SLC9C1: variants seen among roughly 807,000 people sequenced by gnomAD.
SLC9C1 encodes sodium/hydrogen exchanger 10.
Under a neutral mutation model 140.9 loss-of-function variants are expected in SLC9C1, and 97 were observed. The ratio of observed to expected loss-of-function variants is 0.69; its 90% CI spans 0.58 to 0.82. The LOEUF is 0.82. Ranked by LOEUF, SLC9C1 falls within the 40% of genes least tolerant of loss-of-function variation. The pLI is 0.00. For missense variants in SLC9C1, 1,340 were observed against 1,389.3 expected (o/e 0.96, Z 0.56); for synonymous variants, 440 against 442.6 (o/e 0.99, Z 0.07).
At chr3:112,181,276 A>G (rs1275155695) in intron 21 of SLC9C1, among the ~76,000 whole-genome samples, 1 of 152,218 alleles carries the variant, frequency 6.6e-6, no homozygotes, top group African/African-American at 2.4e-5. Flanking sequence ...GGGGATAAAA[A>G]TCTTTCATCT....
intron 15 of SLC9C1, among the ~76,000 whole-genome samples, chr3:112,214,059 C>A (rs916091988): frequency 6.6e-6 from 1 of 152,218 alleles, no homozygotes; most frequent in Non-Finnish European, 1.5e-5. Flanking sequence ...GAAACTCACT[C>A]AAAATCGCTC....
intron 7 of SLC9C1, among the ~76,000 whole-genome samples, chr3:112,268,697 A>AT (rs1213129447): frequency 1.3e-5 from 2 of 152,154 alleles, no homozygotes; most frequent in Admixed American, 6.5e-5. Context: ...TAATCTAACC[A>AT]TTTTTTCTTT....
chr3:112,202,293 A>G lies in SLC9C1; in HGVS notation c.2279T>C (p.Met760Thr), dbSNP rs1355260158. The G allele has an allele frequency of 1.2e-6, 2 of 1,611,640 alleles. No homozygotes were observed. The highest frequency in any genetic ancestry group is 1.7e-6 in the Non-Finnish European group (2 of 1,178,936). The change falls in exon 18 of 29, where the codon ATG (methionine) becomes ACG (threonine). Residue 760 changes from methionine to threonine, a missense_variant. By Grantham distance (81) the Met-to-Thr change is moderately conservative. Transcript: ENST00000305815. ...ACTTGTAATCTGATCAATTATGGTC[A>G]TTATGTCTGCTTCGCCTTGGACATA... The part of the protein sequence containing the change: ...KGYVQGEADI[M>T]TIIDQITSSK...
chr3:112,231,001 T>G (rs1413051477), intron 13 of SLC9C1, among the ~76,000 whole-genome samples: 1 of 152,188 alleles, frequency 6.6e-6, no homozygotes, highest in African/African-American at 2.4e-5. Flanking sequence ...ATCTGAAGTT[T>G]AACCCCAGTT....
intron 2 of SLC9C1, among the ~76,000 whole-genome samples, chr3:112,282,303 G>A (rs1267646025): frequency 6.6e-6 from 1 of 152,216 alleles, no homozygotes; most frequent in East Asian, 1.9e-4. Flanking sequence ...AAATAGTTTA[G>A]TCAAACTACA....
chr3:112,165,993 T>C (rs1039856884), intron 26 of SLC9C1, among the ~76,000 whole-genome samples: 7 of 152,184 alleles, frequency 4.6e-5, no homozygotes, highest in Non-Finnish European at 1.0e-4. Context: ...CCCAGCCTTG[T>C]TGCTGCCTTG....
rs748006067 is a variant in SLC9C1, at chr3:112,231,460, A to G, written c.1473T>C (p.His491=). 1 of 1,612,288 alleles carries G rather than the reference A, an allele frequency of 6.2e-7. No homozygotes were observed. The highest frequency in any genetic ancestry group is 1.1e-5 in the South Asian group (1 of 90,842). Reference sequence around the variant, plus strand: ...TACAGTGTGGACATTTCACCTTCTGATGTTCTGTTGTTTCTTCTTCGTTCA... The same window carrying G: ...TACAGTGTGGACATTTCACCTTCTGGTGTTCTGTTGTTTCTTCTTCGTTCA... ...YMLNEEETTE[H]QKVKCPHCNK... is the part of the protein sequence containing the mutation. The change falls in exon 13 of 29, where the codon CAT becomes CAC. Residue 491 remains histidine (H), a synonymous_variant. Coordinates refer to ENST00000305815, the MANE Select transcript of SLC9C1 (RefSeq NM_183061.3).
At chr3:112,249,209 C>T (rs779329296) in intron 10 of SLC9C1, among the ~76,000 whole-genome samples, 2 of 151,784 alleles carry the variant, frequency 1.3e-5, no homozygotes, top group African/African-American at 4.8e-5. Context: ...GAAGTAATCA[C>T]ATGATTCCAG....
chr3:112,143,342 G>A (rs1375241180), intron 28 of SLC9C1, among the ~76,000 whole-genome samples: 1 of 152,132 alleles, frequency 6.6e-6, no homozygotes, highest in African/African-American at 2.4e-5. Context: ...GGCTGAACTA[G>A]TTTACATTCC....
At chr3:112,241,740 C>G (rs1174676587) in intron 11 of SLC9C1, among the ~76,000 whole-genome samples, 1 of 152,018 alleles carries the variant, frequency 6.6e-6, no homozygotes, top group African/African-American at 2.4e-5. Flanking sequence ...GGTATTGGTA[C>G]AAAAACAGAT....
intron 22 of SLC9C1, among the ~76,000 whole-genome samples, 156 bp downstream of exon 22, chr3:112,180,408 A>T (rs184825143): frequency 3.3e-4 from 51 of 152,256 alleles, no homozygotes; most frequent in African/African-American, 1.2e-3. Flanking sequence ...CTGCAATTCC[A>T]GCTACTTGGG....
intron 13 of SLC9C1, among the ~76,000 whole-genome samples, chr3:112,225,254 A>T (rs1046496990): frequency 2.0e-5 from 3 of 152,198 alleles, no homozygotes; most frequent in Non-Finnish European, 4.4e-5. Context: ...AGACAAAAAA[A>T]ACTTTCAACC....
In SLC9C1 at chr3:112,196,845, T is replaced by C. The variant is rs189645715; in HGVS notation, c.2523+2476A>G. On this transcript the variant is annotated intron_variant, in intron 20 of 28. Transcript: ENST00000305815. ...CTTTGAGCATCTTTAAAACAACTGT[T>C]TTAAAGTCTTTGTCTGGTAGACCTG... 3.1e-3 allele frequency among the ~76,000 whole-genome samples: 472 copies of C among 152,280 alleles called. 1 individual carries two copies. Among genetic ancestry groups the C allele is most frequent in the African/African-American group, 0.011 (449 of 41,564 alleles).
At chr3:112,231,516 A>T (rs541271812) in intron 12 of SLC9C1, 30 bp from the exon 13 acceptor site, 1 of 1,565,388 alleles carries the variant, frequency 6.4e-7, no homozygotes, top group South Asian at 1.2e-5. Context: ...AAGAACAAAA[A>T]ATACATGAAT....
intron 20 of SLC9C1, among the ~76,000 whole-genome samples, chr3:112,194,839 T>G (rs1453909010): frequency 6.6e-6 from 1 of 152,050 alleles, no homozygotes; most frequent in Non-Finnish European, 1.5e-5. Flanking sequence ...CTAATGGATG[T>G]GTGGTGGTAT....
At chr3:112,214,807 G>A (rs780404640) in intron 15 of SLC9C1, among the ~76,000 whole-genome samples, 4 of 152,028 alleles carry the variant, frequency 2.6e-5, no homozygotes, top group Admixed American at 6.6e-5. Flanking sequence ...CCATTCCTTC[G>A]GAGACTATTT....
At chr3:112,229,851 T>G (rs1255519412) in intron 13 of SLC9C1, among the ~76,000 whole-genome samples, 1 of 152,148 alleles carries the variant, frequency 6.6e-6, no homozygotes, top group Non-Finnish European at 1.5e-5. Flanking sequence ...TTTCCACAAT[T>G]TAGTGTTTAA....
At chr3:112,165,925 G>A (rs990637476) in intron 26 of SLC9C1, among the ~76,000 whole-genome samples, 6 of 152,322 alleles carry the variant, frequency 3.9e-5, no homozygotes, top group African/African-American at 7.2e-5. Context: ...CACCCAGTTC[G>A]ATCTTCCTGG....
At chr3:112,240,709 G>A (rs1369293613) in intron 11 of SLC9C1, among the ~76,000 whole-genome samples, 1 of 152,126 alleles carries the variant, frequency 6.6e-6, no homozygotes, top group Non-Finnish European at 1.5e-5. Flanking sequence ...AACCTCATGA[G>A]CCAGTTAAGC....
Sources: gnomAD v4.1 joint callset for allele counts (sites outside exome capture counted in the v4.1 genomes callset) on GRCh38, gnomAD v4.1.1 for gene constraint, MANE v1.5 for transcripts, NCBI Gene and HGNC (gene_info 2026-07-23, HGNC 2026-07-21) for gene names.